Variants in C5orf15 observed in about 807,000 individuals in gnomAD.
The protein encoded by C5orf15 is chromosome 5 open reading frame 15.
In C5orf15, 10 loss-of-function variants were observed where a neutral mutation model predicts 17.8. The observed-to-expected ratio is 0.56, with a 90% CI of 0.35 to 0.95. The LOEUF (loss-of-function observed/expected upper bound fraction) is 0.95. C5orf15 is among the 40% of genes least tolerant of loss of function. The pLI, the probability that C5orf15 is intolerant of heterozygous loss-of-function variation, is 0.02. For synonymous variants in C5orf15, 124 were observed against 131.0 expected, an observed-to-expected ratio of 0.95 and a Z score of 0.36; for missense variants, 319 against 331.7, an observed-to-expected ratio of 0.96 and a Z score of 0.30.
chr5:133,965,238 C>T (rs1392991261), intron 1 of C5orf15, among the ~76,000 whole-genome samples: 1 of 152,164 alleles, frequency 6.6e-6, no homozygotes, highest in East Asian at 1.9e-4. Context: ...TGCACTCCCT[C>T]AAGAGCCCAT....
At chr5:133,958,576 CAAAAAAAA>C (rs71581378) in intron 2 of C5orf15, among the ~76,000 whole-genome samples, 135 of 31,998 alleles carry the variant, frequency 4.2e-3, no homozygotes, top group African/African-American at 9.9e-3. Flanking sequence ...AGCTCTGTCT[CAAAAAAAA>C]AAAAAAAAAA....
At chr5:133,964,986 A>G (rs1298380822) in intron 1 of C5orf15, among the ~76,000 whole-genome samples, 1 of 152,190 alleles carries the variant, frequency 6.6e-6, no homozygotes, top group African/African-American at 2.4e-5. Flanking sequence ...TCCTCTACTT[A>G]AGACCCTCTA....
In C5orf15 at chr5:133,967,243, A is replaced by C. The variant is rs368203481; in HGVS notation, c.139+1203T>G. 2.6e-5 allele frequency among the ~76,000 whole-genome samples: 4 copies of C among 152,234 alleles called. No homozygotes were observed. In the East Asian group the frequency reaches 7.7e-4, roughly 29 times the overall value. On this transcript the variant is annotated intron_variant, in intron 1 of 2. Transcript: ENST00000231512. Reference sequence around the variant, plus strand: ...AAAAGGGCCTTAGGAAATGGACAGCAGTCCTTCCTCAGGGACTGCAAAGAC... The same window carrying C: ...AAAAGGGCCTTAGGAAATGGACAGCCGTCCTTCCTCAGGGACTGCAAAGAC...
intron 1 of C5orf15, among the ~76,000 whole-genome samples, chr5:133,968,149 T>C (rs1436453952): frequency 6.6e-6 from 1 of 151,828 alleles, no homozygotes; most frequent in Non-Finnish European, 1.5e-5. Context: ...TCTTCAACGA[T>C]CTCTAGGCGC....
At chr5:133,967,003 C>A (rs1433425680) in intron 1 of C5orf15, among the ~76,000 whole-genome samples, 1 of 152,194 alleles carries the variant, frequency 6.6e-6, no homozygotes, top group Non-Finnish European at 1.5e-5. Flanking sequence ...TCACTTCTTG[C>A]CCAATTTTCA....
At position 133,959,711 on chromosome 5, in the gene C5orf15, T is replaced by G. The variant is rs1282111748; in HGVS notation, c.449A>C (p.Glu150Ala). 1 of 1,613,608 alleles carries G rather than the reference T, an allele frequency of 6.2e-7. No homozygotes were observed. The highest frequency in any genetic ancestry group is 8.5e-7 in the Non-Finnish European group (1 of 1,179,820). The change falls in exon 2 of 3, where the codon GAA becomes GCA. Residue 150 changes from glutamate to alanine, a missense_variant. Physicochemically the swap from Glu to Ala is moderately radical, Grantham distance 107. Coordinates refer to ENST00000231512, the MANE Select transcript of C5orf15 (RefSeq NM_020199.3). ...GCCCGTGGTCCAGTCATAGTCTGGT[T>G]CTCCATAATCGCCATTGTCTAGAGT... ...KDTLDNGDYG[E>A]PDYDWTTGPR...
intron 2 of C5orf15, among the ~76,000 whole-genome samples, chr5:133,957,377 AC>A (rs1208872638): frequency 1.8e-4 from 28 of 151,966 alleles, no homozygotes; most frequent in Non-Finnish European, 3.8e-4. Flanking sequence ...AAAAAAAAAA[AC>A]AAAAGCTATT....
At chr5:133,968,332 C>A in intron 1 of C5orf15, 114 bp downstream of exon 1, 3 of 1,415,634 alleles carry the variant, frequency 2.1e-6, no homozygotes, top group Non-Finnish European at 2.9e-6. Flanking sequence ...CCCAACCAGA[C>A]ACCGCCGTCT....
At chr5:133,957,081 T>A (rs1226621507) in intron 2 of C5orf15, 91 bp from the exon 3 acceptor site, 6 of 1,146,162 alleles carry the variant, frequency 5.2e-6, no homozygotes, top group Non-Finnish European at 7.5e-6. Context: ...TCTTCTAGGT[T>A]TCTAAATATA....
In C5orf15 at chr5:133,956,029, G is replaced by C. The variant is rs1430060286; in HGVS notation, c.*830C>G. ...TTATTTAAGTGATAATGACCCCTAA[G>C]ATTTATTCAAATTTACTGTAAAATA... On this transcript the variant is annotated 3_prime_UTR_variant, in exon 3 of 3. Coordinates refer to ENST00000231512, the MANE Select transcript of C5orf15 (RefSeq NM_020199.3). 5.2e-5 allele frequency: 8 copies of C among 152,438 alleles called. No homozygotes were observed. Among genetic ancestry groups the C allele is most frequent in the Non-Finnish European group, 7.4e-5 (5 of 68,024 alleles). The allele number at this position is 152,438 out of a possible 1,614,324, so 9.4% of individuals were successfully genotyped here.
chr5:133,955,615 T>G lies in C5orf15; in HGVS notation c.*1244A>C, dbSNP rs373338659. On this transcript the variant is annotated 3_prime_UTR_variant, in exon 3 of 3. Transcript: ENST00000231512. Reference sequence around the variant, plus strand: ...TGCAATAAAACGGTTCAGGGGTATTTCCATTGTGCTTCCCTTCCCTATTAG... The same window carrying G: ...TGCAATAAAACGGTTCAGGGGTATTGCCATTGTGCTTCCCTTCCCTATTAG... The G allele has an allele frequency of 2.6e-5, 4 of 152,798 alleles. No homozygotes were observed. Among genetic ancestry groups the G allele is most frequent in the African/African-American group, 9.6e-5 (4 of 41,586 alleles). 9.5% of individuals were successfully genotyped at this position (152,798 alleles called of 1,614,324 possible). A position where few individuals can be genotyped will look rare whatever the true frequency, so the allele number is the denominator to read the frequency against.
chr5:133,966,251 C>T (rs1388401484), intron 1 of C5orf15, among the ~76,000 whole-genome samples: 1 of 151,894 alleles, frequency 6.6e-6, no homozygotes, highest in Non-Finnish European at 1.5e-5. Flanking sequence ...TAATTCTCCC[C>T]TTCTACTGGT....
intron 1 of C5orf15, 39 bp from the exon 2 acceptor site, chr5:133,960,059 T>C (rs1752101940): frequency 6.5e-7 from 1 of 1,538,124 alleles, no homozygotes; most frequent in Non-Finnish European, 8.8e-7. Flanking sequence ...AATCTCCAAC[T>C]TTATCTCCAC....
At chr5:133,962,610 C>T (rs781109133) in intron 1 of C5orf15, among the ~76,000 whole-genome samples, 2 of 152,182 alleles carry the variant, frequency 1.3e-5, no homozygotes, top group Non-Finnish European at 2.9e-5. Context: ...AGTACTCCTG[C>T]CTTGATTTCA....
intron 1 of C5orf15, among the ~76,000 whole-genome samples, chr5:133,960,390 T>C (rs1342313892): frequency 6.6e-6 from 1 of 152,170 alleles, no homozygotes; most frequent in African/African-American, 2.4e-5. Context: ...TCAGTTACCT[T>C]GTCCAGACTT....
At chr5:133,966,341 T>C (rs1328832078) in intron 1 of C5orf15, among the ~76,000 whole-genome samples, 1 of 152,154 alleles carries the variant, frequency 6.6e-6, no homozygotes. Context: ...CGAGAACTCA[T>C]TCACACACTG....
In C5orf15 at chr5:133,959,555, T is replaced by C; in HGVS notation, c.605A>G (p.His202Arg). ...IEEEDSHFFFHLIIFAFCIAV... is the reference protein window; with the variant it reads ...IEEEDSHFFFRLIIFAFCIAV... ...AATGCAAAAAGCAAAAATAATAAGA[T>C]GAAAAAAGAAATGGCTGTCTTCCTC... is the stretch of plus-strand genomic sequence containing the variant. The change falls in exon 2 of 3, where the codon CAT becomes CGT. Residue 202 changes from histidine (H) to arginine (R), a missense_variant. Physicochemically the swap from His to Arg is conservative, Grantham distance 29. This residue lies in a region of C5orf15 where 175 missense variants were observed against 192.4 expected (regional missense o/e 0.91). Transcript: ENST00000231512. 2 of 1,602,532 alleles carry C rather than the reference T, an allele frequency of 1.2e-6. No homozygotes were observed. Among genetic ancestry groups the C allele is most frequent in the South Asian group, 2.3e-5 (2 of 88,706 alleles).
chr5:133,956,910 A>T lies in C5orf15; in HGVS notation c.747T>A (p.Asn249Lys). 1.2e-6 allele frequency: 2 copies of T among 1,609,960 alleles called. No individual in the cohort carries two copies. Among genetic ancestry groups the T allele is most frequent in the Non-Finnish European group, 1.7e-6 (2 of 1,179,036 alleles). Residue 249 changes from asparagine (N) to lysine (K), a missense_variant, in exon 3 of 3, where the codon AAT becomes AAA. Physicochemically the swap from Asn to Lys is moderately conservative, Grantham distance 94. Transcript: ENST00000231512. Reference protein sequence around the residue: ...KTVEYHRLDQNVNEAMPSLKI... With the variant: ...KTVEYHRLDQKVNEAMPSLKI... ...TCAAAGAAGGCATTGCCTCATTAAC[A>T]TTCTGATCTAGGCGATGGTATTCCA...
rs1054962417 is a variant in C5orf15, at chr5:133,968,506, C to A, written c.79G>T (p.Val27Leu). ...LLPGSAIQAL[V>L]GLARPLVLAL... ...AAGACCAGCGGCCGCGCCAACCCCA[C>A]AAGGGCTTGGATGGCCGACCCGGGC... Residue 27 changes from valine (V) to leucine (L), a missense_variant, in exon 1 of 3, where the codon GTG (valine) becomes TTG (leucine). By Grantham distance (32) the Val-to-Leu change is conservative. Coordinates refer to ENST00000231512, the MANE Select transcript of C5orf15 (RefSeq NM_020199.3). 1 of 1,607,322 alleles carries A rather than the reference C, an allele frequency of 6.2e-7. No individual in the cohort carries two copies. The highest frequency in any genetic ancestry group is 1.3e-5 in the African/African-American group (1 of 74,852).
Sources: allele counts gnomAD v4.1 joint callset (sites outside exome capture counted in the v4.1 genomes callset), GRCh38; gene constraint gnomAD v4.1.1; regional missense constraint gnomAD v4.1.1; transcripts MANE v1.5; gene names NCBI Gene and HGNC (gene_info 2026-07-23, HGNC 2026-07-21).